TSPAN1: variants seen among roughly 807,000 people sequenced by gnomAD.
TSPAN1 encodes tetraspanin-1.
A neutral mutation model predicts 26.9 loss-of-function variants in TSPAN1; 23 were observed. That is an observed-to-expected ratio of 0.85 (90% CI 0.62 to 1.21). TSPAN1 has a LOEUF of 1.21. Ranked by LOEUF, TSPAN1 falls within the 50% of genes most tolerant of loss-of-function variation. TSPAN1 has a pLI of 0.00. For missense variants in TSPAN1, 283 were observed against 298.4 expected (o/e 0.95, Z 0.38); for synonymous variants, 115 against 114.8 (o/e 1.00, Z -0.01).
chr1:46,180,993 T>C (rs1188796285), intron 2 of TSPAN1, 107 bp from the exon 3 acceptor site: 1 of 908,274 alleles, frequency 1.1e-6, no homozygotes, highest in East Asian at 2.6e-5. Flanking sequence ...GAGATATGGG[T>C]TCAGGATCCT....
At position 46,185,274 on chromosome 1, in the gene TSPAN1, T is replaced by C. The variant is rs1482309123; in HGVS notation, c.644T>C (p.Val215Ala). Residue 215 changes from valine to alanine, a missense_variant, in exon 8 of 9, where the codon GTG becomes GCG. Coordinates refer to ENST00000372003, the MANE Select transcript of TSPAN1 (RefSeq NM_005727.4). ...GACATCCGAACTAATGCAGTCACCG[T>C]GGGTGGTGTGGCAGCTGGAATTGGG... ...LYDIRTNAVT[V>A]GGVAAGIGGL... 6.2e-7 allele frequency: 1 copy of C among 1,614,114 alleles called. No individual in the cohort carries two copies. Among genetic ancestry groups the C allele is most frequent in the South Asian group, 1.1e-5 (1 of 91,078 alleles).
chr1:46,189,056 T>C, downstream of TSPAN1: 2 of 1,532,158 alleles, frequency 1.3e-6, no homozygotes, highest in South Asian at 2.6e-5. Context: ...CTCCTGCCCT[T>C]CTCCAACAAG....
At chr1:46,180,771 G>T (rs527593389) in intron 2 of TSPAN1, 113 bp downstream of exon 2, 2 of 351,682 alleles carry the variant, frequency 5.7e-6, no homozygotes, top group Admixed American at 4.3e-5. Context: ...GTTAGTGTGG[G>T]GGGGAGCACA....
At chr1:46,177,043 A>G (rs1319132739) in intron 1 of TSPAN1, among the ~76,000 whole-genome samples, 1 of 152,154 alleles carries the variant, frequency 6.6e-6, no homozygotes, top group Non-Finnish European at 1.5e-5. Context: ...CTTATTTAAT[A>G]TATATTGTTG....
the TSPAN1 span, chr1:46,191,982 C>G: frequency 3.8e-4 from 549 of 1,443,240 alleles, 2 homozygotes; most frequent in South Asian, 5.4e-3. Context: ...AATAGGATAG[C>G]TCTTTCCCCA....
Position 46,185,865 on chromosome 1 carries a change from A to G in TSPAN1, c.*332A>G. ...AGTGCTCTACTGGGGGATGAGAGAAAGGCATTTTATAGCCTGGGCATAAGT... is the reference window on the plus strand; with the variant it reads ...AGTGCTCTACTGGGGGATGAGAGAAGGGCATTTTATAGCCTGGGCATAAGT... On this transcript the variant is annotated 3_prime_UTR_variant, in exon 9 of 9. Transcript: ENST00000372003. The G allele has an allele frequency of 2.6e-6, 1 of 378,728 alleles. No individual in the cohort carries two copies. The highest frequency in any genetic ancestry group is 3.8e-5 in the South Asian group (1 of 26,594). 23.5% of individuals were successfully genotyped at this position (378,728 alleles called of 1,614,324 possible).
chr1:46,189,565 G>A (rs376973640), downstream of TSPAN1: 34 of 1,610,420 alleles, frequency 2.1e-5, no homozygotes, highest in Non-Finnish European at 2.8e-5. Flanking sequence ...AGATATGGAG[G>A]CACTAGTGAG....
At chr1:46,190,833 A>G, downstream of TSPAN1, 1 of 1,526,422 alleles carries the variant, frequency 6.6e-7, no homozygotes. Flanking sequence ...TGTCTGGCCC[A>G]CACCCACTTG....
At chr1:46,189,699 A>AT (rs1249371322), downstream of TSPAN1, 1 of 1,548,534 alleles carries the variant, frequency 6.5e-7, no homozygotes, top group Non-Finnish European at 8.7e-7. Flanking sequence ...ATCTTTTAGA[A>AT]TATGAATTTG....
chr1:46,193,580 A>G, the TSPAN1 span: 72 of 1,614,084 alleles, frequency 4.5e-5, no homozygotes, highest in Admixed American at 1.0e-4. Context: ...GTAGCCGTCA[A>G]TGAAAACTGT....
At chr1:46,182,711 ATTAGT>A (rs1028682833) in intron 3 of TSPAN1, among the ~76,000 whole-genome samples, 6 of 152,130 alleles carry the variant, frequency 3.9e-5, no homozygotes, top group Non-Finnish European at 8.8e-5. Flanking sequence ...GTATGTATTG[ATTAGT>A]TTAGAAGCGT....
At chr1:46,176,607 C>G (rs1378926670) in intron 1 of TSPAN1, 13 of 1,071,210 alleles carry the variant, frequency 1.2e-5, no homozygotes, top group Non-Finnish European at 1.7e-5. Flanking sequence ...CCTCATGGGT[C>G]AGGCTCCTTC....
At chr1:46,179,953 GAGAA>G (rs1184588816) in intron 1 of TSPAN1, among the ~76,000 whole-genome samples, 7 of 151,768 alleles carry the variant, frequency 4.6e-5, no homozygotes, top group African/African-American at 1.7e-4. Context: ...GACAGAGAAA[GAGAA>G]AGAGGGAGTG....
chr1:46,185,727 T>G lies in TSPAN1; in HGVS notation c.*194T>G. On this transcript the variant is annotated 3_prime_UTR_variant, in exon 9 of 9. Transcript: ENST00000372003. ...AGGCGATGCCTGACTTTCCTTCCAT[T>G]GGTGGGTGGATGGGTGGGGGGCATT... 1 of 639,336 alleles carries G rather than the reference T, an allele frequency of 1.6e-6. No individual in the cohort carries two copies. Among genetic ancestry groups the G allele is most frequent in the Non-Finnish European group, 2.7e-6 (1 of 368,054 alleles). 39.6% of individuals were successfully genotyped at this position (639,336 alleles called of 1,614,324 possible).
At chr1:46,179,636 G>A (rs538381657) in intron 1 of TSPAN1, among the ~76,000 whole-genome samples, 2 of 152,268 alleles carry the variant, frequency 1.3e-5, no homozygotes, top group South Asian at 2.1e-4. Context: ...AGCAGGAAGC[G>A]GTCAGGCAGC....
At chr1:46,179,964 AGTGTGT>A (rs141816531) in intron 1 of TSPAN1, among the ~76,000 whole-genome samples, 34 of 146,892 alleles carry the variant, frequency 2.3e-4, no homozygotes, top group African/African-American at 6.8e-4. Flanking sequence ...AGAAAGAGGG[AGTGTGT>A]GTGTGTGTGT....
the TSPAN1 span, chr1:46,193,091 A>G: frequency 6.2e-7 from 1 of 1,606,758 alleles, no homozygotes; most frequent in East Asian, 2.2e-5. Flanking sequence ...CAGTGAGGGG[A>G]AGAGCTTGCC....
the TSPAN1 span, chr1:46,192,441 G>A: frequency 2.5e-6 from 4 of 1,613,954 alleles, no homozygotes; most frequent in African/African-American, 5.3e-5. Flanking sequence ...ATACCCCTGG[G>A]GACAGGGTGC....
chr1:46,193,332 G>A, the TSPAN1 span: 17 of 1,613,714 alleles, frequency 1.1e-5, no homozygotes, highest in Non-Finnish European at 1.4e-5. Flanking sequence ...TCTTGATGCT[G>A]ATGGGAGTAT....
Sources: allele counts gnomAD v4.1 joint callset (sites outside exome capture counted in the v4.1 genomes callset), GRCh38; gene constraint gnomAD v4.1.1; transcripts MANE v1.5; gene names NCBI Gene and HGNC (gene_info 2026-07-23, HGNC 2026-07-21).